The following ADCY8 variants were observed in gnomAD, a reference collection of about 807,000 sequenced individuals.
ADCY8 encodes the protein adenylate cyclase type 8.
ADCY8 carries 51 observed loss-of-function variants against 119.7 expected under a neutral mutation model. That is an observed-to-expected ratio of 0.43 (90% CI 0.34 to 0.54). ADCY8 has a LOEUF of 0.54. ADCY8 is among the 20% of genes least tolerant of loss of function. ADCY8 has a pLI of 0.03. For missense variants in ADCY8, 1,383 were observed against 1,598.8 expected (o/e 0.87, Z 2.30); for synonymous variants, 665 against 651.0 (o/e 1.02, Z -0.33).
Position 130,951,884 on chromosome 8 carries a change from G to A in ADCY8, c.1225C>T (p.Arg409Cys), listed in dbSNP as rs1335694203. Residue 409 changes from arginine to cysteine, a missense_variant, in exon 3 of 18, where the codon CGC becomes TGC. Coordinates refer to ENST00000286355, the MANE Select transcript of ADCY8 (RefSeq NM_001115.3). ...QHQFHRIYIHRYENVSILFAD... is the reference protein window; with the variant it reads ...QHQFHRIYIHCYENVSILFAD... Reference sequence around the variant, plus strand: ...GTTTCTCACCTGACGTTCTCATAGCGATGGATGTAGATCCGATGGAACTGG... The same window carrying A: ...GTTTCTCACCTGACGTTCTCATAGCAATGGATGTAGATCCGATGGAACTGG... 1.9e-6 allele frequency: 3 copies of A among 1,614,038 alleles called. No individual in the cohort carries two copies. The highest frequency in any genetic ancestry group is 1.7e-6 in the Non-Finnish European group (2 of 1,179,966).
At chr8:130,916,885 C>T (rs183403654) in intron 5 of ADCY8, among the ~76,000 whole-genome samples, 1 of 152,124 alleles carries the variant, frequency 6.6e-6, no homozygotes, top group Non-Finnish European at 1.5e-5. Context: ...CTGTGAGACT[C>T]CTGATTTCCC....
At chr8:130,848,545 G>A (rs1352954080) in intron 10 of ADCY8, among the ~76,000 whole-genome samples, 1 of 152,172 alleles carries the variant, frequency 6.6e-6, no homozygotes, top group African/African-American at 2.4e-5. Flanking sequence ...GGGCCAAATT[G>A]GACAGTGATT....
intron 12 of ADCY8, among the ~76,000 whole-genome samples, chr8:130,835,633 T>C (rs1336367929): frequency 6.6e-6 from 1 of 152,174 alleles, no homozygotes; most frequent in Admixed American, 6.5e-5. Flanking sequence ...GTTTGTCCCT[T>C]GGTATCAGCC....
intron 8 of ADCY8, among the ~76,000 whole-genome samples, chr8:130,880,476 A>C (rs1369450): frequency 0.51 from 77,937 of 152,080 alleles, 20,092 homozygotes; most frequent in East Asian, 0.64. Context: ...TTTTCTACAT[A>C]TCTTTACCAT....
chr8:131,040,151 C>T lies in ADCY8; in HGVS notation c.183G>A (p.Gly61=). 6.5e-7 allele frequency: 1 copy of T among 1,532,828 alleles called. No homozygotes were observed. The highest frequency in any genetic ancestry group is 8.7e-7 in the Non-Finnish European group (1 of 1,145,440). The allele number at this position is 1,532,828 out of a possible 1,614,324, so 95.0% of individuals were successfully genotyped here. Residue 61 remains glycine, a synonymous_variant, in exon 1 of 18, where the codon GGG becomes GGA. Transcript: ENST00000286355. Reference sequence around the variant, plus strand: ...CCGAGGCTTTGCCCGAGCCTCCACTCCCGCTGCCGCTGCCTCCCCGGTGCC... The same window carrying T: ...CCGAGGCTTTGCCCGAGCCTCCACTTCCGCTGCCGCTGCCTCCCCGGTGCC... ...IHGHRGGSGS[G]SGGSGKASDP...
chr8:130,983,250 T>C (rs973117659), intron 2 of ADCY8, among the ~76,000 whole-genome samples: 2 of 152,186 alleles, frequency 1.3e-5, no homozygotes, highest in African/African-American at 4.8e-5. Flanking sequence ...GGCTGCCTAA[T>C]AGGAACTGTG....
chr8:131,015,651 G>A (rs4736734), intron 1 of ADCY8, among the ~76,000 whole-genome samples: 88,122 of 152,024 alleles, frequency 0.58, 26,848 homozygotes, highest in East Asian at 0.78. Flanking sequence ...TCTAAAAATA[G>A]TAGTTAAATG....
chr8:130,849,727 C>T lies in ADCY8; in HGVS notation c.2287G>A (p.Asp763Asn), dbSNP rs544489182. The part of the protein sequence containing the change: ...SALVLITTAE[D>N]YKCLPLILRK... ...AGGATGAGGGGCAAACATTTATAAT[C>T]CTCTGCTGTGGTGATGAGGACCAGA... The change falls in exon 10 of 18, where the codon GAT (aspartate) becomes AAT (asparagine). Residue 763 changes from aspartate (D) to asparagine (N), a missense_variant. Physicochemically the swap from Asp to Asn is conservative, Grantham distance 23. Coordinates refer to ENST00000286355, the MANE Select transcript of ADCY8 (RefSeq NM_001115.3). 3.7e-6 allele frequency: 6 copies of T among 1,613,964 alleles called. No individual in the cohort carries two copies. The African/African-American group carries it at 8.0e-5, about 22-fold the overall frequency.
At chr8:130,843,391 C>A (rs1159273599) in intron 11 of ADCY8, among the ~76,000 whole-genome samples, 1 of 152,184 alleles carries the variant, frequency 6.6e-6, no homozygotes, top group African/African-American at 2.4e-5. Context: ...TCTCTCTATG[C>A]AACTCTCCAG....
At chr8:130,784,459 G>A (rs1483709810) in intron 16 of ADCY8, among the ~76,000 whole-genome samples, 1 of 152,152 alleles carries the variant, frequency 6.6e-6, no homozygotes, top group African/African-American at 2.4e-5. Context: ...TTTTTTATAT[G>A]AGAGAACTTT....
intron 16 of ADCY8, among the ~76,000 whole-genome samples, chr8:130,785,169 T>C (rs1815210136): frequency 6.6e-6 from 1 of 152,240 alleles, no homozygotes; most frequent in Admixed American, 6.5e-5. Context: ...GAACAAAGCC[T>C]AGAAGTTTCT....
chr8:130,983,941 C>A (rs1011957515), intron 2 of ADCY8, among the ~76,000 whole-genome samples: 1 of 152,208 alleles, frequency 6.6e-6, no homozygotes, highest in African/African-American at 2.4e-5. Context: ...CAGACATGAG[C>A]TTCCTATTTT....
At chr8:130,871,077 T>C (rs1818337081) in intron 8 of ADCY8, among the ~76,000 whole-genome samples, 1 of 152,232 alleles carries the variant, frequency 6.6e-6, no homozygotes, top group Non-Finnish European at 1.5e-5. Flanking sequence ...CAGAATGTGG[T>C]GCATTGTTAC....
intron 14 of ADCY8, 151 bp from the exon 15 acceptor site, chr8:130,800,723 G>GT (rs1277130212): frequency 2.0e-5 from 17 of 836,374 alleles, no homozygotes; most frequent in Admixed American, 1.1e-4. Context: ...TCAACAGTGT[G>GT]TTTTAGTCCA....
intron 14 of ADCY8, among the ~76,000 whole-genome samples, chr8:130,812,867 A>G (rs1816212124): frequency 6.6e-6 from 1 of 152,204 alleles, no homozygotes; most frequent in Non-Finnish European, 1.5e-5. Context: ...ATGCATACAT[A>G]CATTTATGTA....
Position 130,869,488 on chromosome 8 carries a change from G to A in ADCY8, c.2110-1542C>T, listed in dbSNP as rs1457540126. Reference sequence around the variant, plus strand: ...TCTAATTATTCATCCTTGGCTTACTGTTTTTTTTTTATTTTGTTTATTTTT... The same window carrying A: ...TCTAATTATTCATCCTTGGCTTACTATTTTTTTTTTATTTTGTTTATTTTT... On this transcript the variant is annotated intron_variant, in intron 8 of 17. Coordinates refer to ENST00000286355, the MANE Select transcript of ADCY8 (RefSeq NM_001115.3). 2.1e-5 allele frequency among the ~76,000 whole-genome samples: 3 copies of A among 140,366 alleles called. No homozygotes were observed. In the East Asian group the frequency reaches 6.2e-4, roughly 29 times the overall value. The allele number at this position is 140,366 out of a possible 152,430, so 92.1% of individuals were successfully genotyped here.
chr8:130,921,074 C>A (rs1044247280), intron 5 of ADCY8, among the ~76,000 whole-genome samples: 1 of 152,218 alleles, frequency 6.6e-6, no homozygotes, highest in African/African-American at 2.4e-5. Flanking sequence ...CCTGTCATCT[C>A]TACCTGTCAA....
intron 3 of ADCY8, among the ~76,000 whole-genome samples, chr8:130,945,945 TGAAGAGCTA>T (rs1821094337): frequency 6.6e-6 from 1 of 152,200 alleles, no homozygotes; most frequent in Non-Finnish European, 1.5e-5. Flanking sequence ...CCTATAATCA[TGAAGAGCTA>T]GAATTTGAAC....
At chr8:130,985,805 C>G (rs998266959) in intron 2 of ADCY8, among the ~76,000 whole-genome samples, 1 of 152,128 alleles carries the variant, frequency 6.6e-6, no homozygotes, top group Non-Finnish European at 1.5e-5. Context: ...CAGTTTACAC[C>G]AGTATTGTCT....
Sources: gnomAD v4.1 joint callset for allele counts (sites outside exome capture counted in the v4.1 genomes callset) on GRCh38, gnomAD v4.1.1 for gene constraint, MANE v1.5 for transcripts, NCBI Gene and HGNC (gene_info 2026-07-23, HGNC 2026-07-21) for gene names.